The following CNTNAP5 variants were observed in gnomAD, a reference collection of about 807,000 sequenced individuals.
The protein encoded by CNTNAP5 is contactin associated protein family member 5.
CNTNAP5 carries 72 observed loss-of-function variants against 150.2 expected under a neutral mutation model. The ratio of observed to expected loss-of-function variants is 0.48; its 90% CI spans 0.40 to 0.58. The LOEUF is 0.58. Among genes scored for constraint, CNTNAP5 ranks in the 20% least tolerant of loss-of-function variants. The pLI, the probability that CNTNAP5 is intolerant of heterozygous loss-of-function variation, is 0.00. For missense variants in CNTNAP5, 1,636 were observed against 1,626.2 expected (o/e 1.01, Z -0.10); for synonymous variants, 672 against 619.8 (o/e 1.08, Z -1.25).
chr2:124,845,440 T>TA (rs1683029316), intron 19 of CNTNAP5, among the ~76,000 whole-genome samples: 1 of 132,024 alleles, frequency 7.6e-6, no homozygotes, highest in South Asian at 2.3e-4. Context: ...TCTGTAGTAT[T>TA]TTTTTTTTTT....
At chr2:124,818,339 G>C (rs1226913346) in intron 19 of CNTNAP5, among the ~76,000 whole-genome samples, 2 of 152,108 alleles carry the variant, frequency 1.3e-5, no homozygotes, top group East Asian at 3.9e-4. Context: ...GGGAAACAAA[G>C]AGAGACCCCC....
intron 6 of CNTNAP5, among the ~76,000 whole-genome samples, chr2:124,471,709 G>A (rs544201285): frequency 5.9e-5 from 9 of 151,990 alleles, no homozygotes; most frequent in South Asian, 4.2e-4. Flanking sequence ...CTTTTCATAT[G>A]TGGGTCTTAT....
intron 2 of CNTNAP5, among the ~76,000 whole-genome samples, chr2:124,240,717 T>C (rs542715704): frequency 1.4e-4 from 21 of 152,130 alleles, no homozygotes; most frequent in Non-Finnish European, 2.4e-4. Context: ...AAGGGCTAGC[T>C]GCTTACTGAA....
chr2:124,840,796 C>G (rs552922593), intron 19 of CNTNAP5, among the ~76,000 whole-genome samples: 27 of 152,188 alleles, frequency 1.8e-4, no homozygotes, highest in African/African-American at 5.8e-4. Flanking sequence ...ATCATTTATA[C>G]TTTCATTTAT....
chr2:124,913,814 A>G (rs1678705110), intron 23 of CNTNAP5, among the ~76,000 whole-genome samples: 1 of 152,030 alleles, frequency 6.6e-6, no homozygotes, highest in Admixed American at 6.6e-5. Flanking sequence ...CCAATTCCAT[A>G]TGTATAAGAT....
intron 1 of CNTNAP5, among the ~76,000 whole-genome samples, chr2:124,199,912 A>G (rs1041419670): frequency 2.0e-5 from 3 of 152,230 alleles, no homozygotes; most frequent in Non-Finnish European, 4.4e-5. Flanking sequence ...ATCATCACCC[A>G]TGAATAATGA....
At chr2:124,103,378 A>G (rs965537783) in intron 1 of CNTNAP5, among the ~76,000 whole-genome samples, 1 of 152,154 alleles carries the variant, frequency 6.6e-6, no homozygotes, top group Admixed American at 6.5e-5. Flanking sequence ...TACAGTGTTT[A>G]TAAGGCCTAC....
At chr2:124,721,899 T>C (rs998325744) in intron 13 of CNTNAP5, among the ~76,000 whole-genome samples, 1 of 152,064 alleles carries the variant, frequency 6.6e-6, no homozygotes, top group African/African-American at 2.4e-5. Context: ...AAATGTTTTT[T>C]TTCCAACACC....
intron 8 of CNTNAP5, among the ~76,000 whole-genome samples, chr2:124,512,991 A>G (rs1445198120): frequency 3.9e-5 from 6 of 152,110 alleles, no homozygotes; most frequent in Non-Finnish European, 7.4e-5. Context: ...TTCTCAAGAA[A>G]CCTTTCCAAG....
At chr2:124,515,472 T>G (rs1357400537) in intron 8 of CNTNAP5, among the ~76,000 whole-genome samples, 1 of 152,232 alleles carries the variant, frequency 6.6e-6, no homozygotes, top group East Asian at 1.9e-4. Flanking sequence ...CCTGCACTAT[T>G]CTAGTCAAGG....
intron 19 of CNTNAP5, among the ~76,000 whole-genome samples, chr2:124,858,390 A>C (rs1677430487): frequency 6.6e-6 from 1 of 152,218 alleles, no homozygotes; most frequent in African/African-American, 2.4e-5. Flanking sequence ...CAAAAATCAC[A>C]AACATTCTTA....
chr2:124,065,742 T>C lies in CNTNAP5; in HGVS notation c.82+40010T>C, dbSNP rs150439481. Among the ~76,000 whole-genome samples, 32 of 152,254 alleles carry C rather than the reference T, an allele frequency of 2.1e-4. No individual in the cohort carries two copies. In the East Asian group the frequency reaches 5.0e-3, roughly 24 times the overall value. ...AAATAGGAATTCAAGTGCTGAGCAA[T>C]GTAGCCACCTCCTCTCATGGTTGGT... On this transcript the variant is annotated intron_variant, in intron 1 of 23. Transcript: ENST00000682447.
chr2:124,088,109 T>A (rs1485624380), intron 1 of CNTNAP5, among the ~76,000 whole-genome samples: 2 of 152,202 alleles, frequency 1.3e-5, no homozygotes, highest in African/African-American at 4.8e-5. Flanking sequence ...TCACTGAAGT[T>A]CTATTAATTA....
At chr2:124,767,670 C>T (rs1053823375) in intron 16 of CNTNAP5, among the ~76,000 whole-genome samples, 8 of 152,144 alleles carry the variant, frequency 5.3e-5, no homozygotes, top group African/African-American at 1.9e-4. Flanking sequence ...ACCCAGATGC[C>T]TTTGGCTGCA....
rs1558821619 is a variant in CNTNAP5, at chr2:124,255,584, T to TAAAATAG, written c.381+13193_381+13194insAATAGAA. 5.6e-4 allele frequency among the ~76,000 whole-genome samples: 33 copies of TAAAATAG among 59,062 alleles called. 2 individuals are homozygous for TAAAATAG. Among genetic ancestry groups the TAAAATAG allele is most frequent in the African/African-American group, 1.8e-3 (31 of 16,862 alleles). The allele number at this position is 59,062 out of a possible 152,430, so 38.7% of individuals were successfully genotyped here. ...TAAAATAAAATAAAATAAAATAAAA[T>TAAAATAG]AATAATTTTTTTTTAAAAAGTAAAT... On this transcript the variant is annotated intron_variant, in intron 3 of 23. Coordinates refer to ENST00000682447, the MANE Select transcript of CNTNAP5 (RefSeq NM_001367498.1).
At chr2:124,380,415 G>A (rs936026204) in intron 3 of CNTNAP5, among the ~76,000 whole-genome samples, 1 of 152,060 alleles carries the variant, frequency 6.6e-6, no homozygotes, top group African/African-American at 2.4e-5. Flanking sequence ...GGAAATTGTG[G>A]AGCATAATGC....
At chr2:124,165,660 G>A (rs1195969115) in intron 1 of CNTNAP5, among the ~76,000 whole-genome samples, 3 of 152,152 alleles carry the variant, frequency 2.0e-5, no homozygotes, top group Non-Finnish European at 4.4e-5. Context: ...TGAATGGCTT[G>A]AGGTGCTCAG....
chr2:124,675,126 C>T (rs1678912598), intron 13 of CNTNAP5, among the ~76,000 whole-genome samples: 1 of 152,002 alleles, frequency 6.6e-6, no homozygotes, highest in African/African-American at 2.4e-5. Context: ...CTTTAGGGCT[C>T]TGTTGTTAGT....
chr2:124,718,301 T>C (rs181695528), intron 13 of CNTNAP5, among the ~76,000 whole-genome samples: 1 of 152,326 alleles, frequency 6.6e-6, no homozygotes, highest in Admixed American at 6.5e-5. Context: ...TGAAGAAAGA[T>C]AAAGGTTCCT....
Sources: gnomAD v4.1 joint callset for allele counts (sites outside exome capture counted in the v4.1 genomes callset) on GRCh38, gnomAD v4.1.1 for gene constraint, MANE v1.5 for transcripts, NCBI Gene and HGNC (gene_info 2026-07-23, HGNC 2026-07-21) for gene names.